ENOX1: variants seen among roughly 807,000 people sequenced by gnomAD.
ENOX1 encodes the protein ecto-NOX disulfide-thiol exchanger 1.
A neutral mutation model predicts 82.5 loss-of-function variants in ENOX1; 42 were observed. The ratio of observed to expected loss-of-function variants is 0.51; its 90% CI spans 0.40 to 0.66. ENOX1 has a LOEUF of 0.66. ENOX1 is among the 30% of genes least tolerant of loss of function. The pLI is 0.00. For synonymous variants in ENOX1, 271 were observed against 282.2 expected, an observed-to-expected ratio of 0.96 and a Z score of 0.40; for missense variants, 608 against 811.6, an observed-to-expected ratio of 0.75 and a Z score of 3.05.
intron 3 of ENOX1, 71 bp from the exon 4 acceptor site, chr13:43,413,059 T>C (rs2054230157): frequency 7.3e-7 from 1 of 1,360,924 alleles, no homozygotes; most frequent in Non-Finnish European, 9.6e-7. Flanking sequence ...AGGAACAAAC[T>C]GTTATCTATT....
At chr13:43,735,985 A>G (rs2089608827) in intron 1 of ENOX1, among the ~76,000 whole-genome samples, 1 of 152,170 alleles carries the variant, frequency 6.6e-6, no homozygotes, top group African/African-American at 2.4e-5. Context: ...AGCAACAGAC[A>G]ATGATGATCA....
At chr13:43,353,664 AC>A (rs1444250625) in intron 8 of ENOX1, among the ~76,000 whole-genome samples, 4 of 152,036 alleles carry the variant, frequency 2.6e-5, no homozygotes, top group Non-Finnish European at 4.4e-5. Flanking sequence ...TATATTCCAA[AC>A]TCTATGCTTG....
intron 1 of ENOX1, among the ~76,000 whole-genome samples, chr13:43,701,227 G>T (rs1326546031): frequency 6.6e-6 from 1 of 152,084 alleles, no homozygotes; most frequent in African/African-American, 2.4e-5. Context: ...TGTACTTTTT[G>T]TACACGTGCA....
intron 2 of ENOX1, among the ~76,000 whole-genome samples, chr13:43,578,217 G>A (rs1295875333): frequency 6.6e-6 from 1 of 152,118 alleles, no homozygotes; most frequent in Non-Finnish European, 1.5e-5. Flanking sequence ...AAAATCACAG[G>A]ATATACATGA....
chr13:43,430,941 TG>T (rs1197649420), intron 3 of ENOX1, among the ~76,000 whole-genome samples: 3 of 152,224 alleles, frequency 2.0e-5, no homozygotes, highest in African/African-American at 7.2e-5. Context: ...GAGAAGTTTT[TG>T]TTTGTTTTAA....
At chr13:43,218,452 C>T (rs2041606250) in intron 16 of ENOX1, among the ~76,000 whole-genome samples, 1 of 152,116 alleles carries the variant, frequency 6.6e-6, no homozygotes, top group Non-Finnish European at 1.5e-5. Context: ...CATAGAGAGA[C>T]CCAATCTCTA....
intron 2 of ENOX1, among the ~76,000 whole-genome samples, chr13:43,654,501 G>A (rs961104764): frequency 6.6e-6 from 1 of 152,196 alleles, no homozygotes; most frequent in Non-Finnish European, 1.5e-5. Flanking sequence ...GGGATTTTCA[G>A]TGTAGAACTA....
intron 3 of ENOX1, among the ~76,000 whole-genome samples, chr13:43,417,193 AGGGAGACGGGAGACGGGAGACGGGAGAC>A (rs370036237): frequency 2.3e-5 from 3 of 132,800 alleles, no homozygotes; most frequent in East Asian, 2.2e-4. Flanking sequence ...TCAGCAACAG[AGGGAGACGGGAGACGGGAGACGGGAGAC>A]GGGAGACGGG....
chr13:43,656,816 C>T (rs953448438), intron 2 of ENOX1, among the ~76,000 whole-genome samples: 3 of 151,984 alleles, frequency 2.0e-5, no homozygotes, highest in African/African-American at 7.3e-5. Context: ...TTTTTTTCAG[C>T]TAATTTATCA....
intron 1 of ENOX1, among the ~76,000 whole-genome samples, chr13:43,694,968 G>A (rs1156273968): frequency 6.6e-6 from 1 of 152,134 alleles, no homozygotes; most frequent in Non-Finnish European, 1.5e-5. Flanking sequence ...CTTCTCAAAG[G>A]CAAGGCCAGC....
chr13:43,354,458 C>T (rs956980431), intron 8 of ENOX1, among the ~76,000 whole-genome samples: 5 of 150,992 alleles, frequency 3.3e-5, no homozygotes, highest in African/African-American at 4.9e-5. Flanking sequence ...GCACAGCACC[C>T]CCGCTGCCAC....
chr13:43,369,925 T>C (rs547561893), intron 5 of ENOX1, among the ~76,000 whole-genome samples: 133 of 152,332 alleles, frequency 8.7e-4, no homozygotes, highest in South Asian at 5.2e-3. Flanking sequence ...GAGCATGTCC[T>C]CCTCCACTTC....
intron 1 of ENOX1, among the ~76,000 whole-genome samples, chr13:43,719,443 A>G (rs545688089): frequency 2.6e-5 from 4 of 151,862 alleles, no homozygotes; most frequent in Non-Finnish European, 2.9e-5. Context: ...GGAGCTGCTC[A>G]ATGCAGCGCC....
At chr13:43,224,534 AC>A (rs2041940066) in intron 15 of ENOX1, among the ~76,000 whole-genome samples, 1 of 152,244 alleles carries the variant, frequency 6.6e-6, no homozygotes, top group African/African-American at 2.4e-5. Flanking sequence ...AATGGCTCAT[AC>A]AACTGTGTCA....
chr13:43,388,607 C>G, intron 5 of ENOX1, among the ~76,000 whole-genome samples: 1 of 152,166 alleles, frequency 6.6e-6, no homozygotes, highest in East Asian at 1.9e-4. Flanking sequence ...TTCACAAAAT[C>G]CTATCAGCAG....
chr13:43,693,015 C>A (rs546363159), intron 1 of ENOX1, among the ~76,000 whole-genome samples: 24 of 152,148 alleles, frequency 1.6e-4, no homozygotes, highest in African/African-American at 5.1e-4. Flanking sequence ...AAAAAAGCTA[C>A]ACCTATGTTA....
intron 1 of ENOX1, among the ~76,000 whole-genome samples, chr13:43,782,952 A>G (rs1323866765): frequency 6.6e-6 from 1 of 152,186 alleles, no homozygotes; most frequent in East Asian, 1.9e-4. Flanking sequence ...TGAAACAAAT[A>G]TTATGCAGGG....
chr13:43,468,916 G>C (rs551925228), intron 3 of ENOX1, among the ~76,000 whole-genome samples: 11 of 152,238 alleles, frequency 7.2e-5, no homozygotes, highest in African/African-American at 2.6e-4. Context: ...CTCCTTGCTA[G>C]TGTATACAAA....
intron 3 of ENOX1, among the ~76,000 whole-genome samples, chr13:43,424,952 C>G (rs2055202118): frequency 6.6e-6 from 1 of 152,096 alleles, no homozygotes; most frequent in Non-Finnish European, 1.5e-5. Context: ...CAGCAGTGAG[C>G]ATTCTGAGGA....
Sources: allele counts gnomAD v4.1 joint callset (sites outside exome capture counted in the v4.1 genomes callset), GRCh38; gene constraint gnomAD v4.1.1; transcripts MANE v1.5; gene names NCBI Gene and HGNC (gene_info 2026-07-23, HGNC 2026-07-21).